Variants in DLG2 observed in about 807,000 individuals in gnomAD.
The protein encoded by DLG2 is disks large homolog 2.
In DLG2, 45 loss-of-function variants were observed where a neutral mutation model predicts 132.5. The observed-to-expected ratio is 0.34, with a 90% CI of 0.27 to 0.44. DLG2 has a LOEUF of 0.44. Ranked by LOEUF, DLG2 falls within the 20% of genes least tolerant of loss-of-function variation. The pLI is 1.00. For synonymous variants in DLG2, 424 were observed against 419.6 expected (o/e 1.01, Z -0.13); for missense variants, 1,045 against 1,196.9 (o/e 0.87, Z 1.87).
intron 9 of DLG2, among the ~76,000 whole-genome samples, chr11:84,114,581 A>C (rs1251349289): frequency 2.0e-5 from 3 of 152,064 alleles, no homozygotes; most frequent in Non-Finnish European, 2.9e-5. Context: ...TAAGGAATCA[A>C]CTCCTAAAGA....
At chr11:84,548,232 C>T (rs1214044430) in intron 6 of DLG2, among the ~76,000 whole-genome samples, 6 of 151,946 alleles carry the variant, frequency 3.9e-5, no homozygotes, top group African/African-American at 1.4e-4. Context: ...AGAGCAGCTA[C>T]GGAAGCATAA....
At chr11:83,644,417 C>T (rs968766523) in intron 18 of DLG2, among the ~76,000 whole-genome samples, 8 of 152,088 alleles carry the variant, frequency 5.3e-5, no homozygotes, top group South Asian at 2.1e-4. Flanking sequence ...GGCAAAGAGA[C>T]GGATTGAGAG....
chr11:83,904,456 A>C (rs1181397311), intron 15 of DLG2, among the ~76,000 whole-genome samples: 1 of 152,192 alleles, frequency 6.6e-6, no homozygotes, highest in African/African-American at 2.4e-5. Context: ...TTATAAATTT[A>C]ACAGCTTAAA....
intron 8 of DLG2, among the ~76,000 whole-genome samples, chr11:84,182,713 T>A (rs1461998484): frequency 1.3e-5 from 2 of 151,918 alleles, no homozygotes; most frequent in Non-Finnish European, 2.9e-5. Context: ...AAGGGCAAAT[T>A]AAATCCAAAG....
chr11:83,638,610 GA>G (rs2065479903), intron 18 of DLG2, among the ~76,000 whole-genome samples: 1 of 152,032 alleles, frequency 6.6e-6, no homozygotes, highest in South Asian at 2.1e-4. Context: ...TCTGCTCCTA[GA>G]GCCCCCTGTT....
intron 6 of DLG2, among the ~76,000 whole-genome samples, chr11:84,905,803 TTTC>T (rs2091438929): frequency 6.6e-6 from 1 of 152,232 alleles, no homozygotes; most frequent in African/African-American, 2.4e-5. Flanking sequence ...TCTCTTTCTT[TTTC>T]TTATTATTAA....
chr11:84,751,168 G>A (rs1157650739), intron 6 of DLG2, among the ~76,000 whole-genome samples: 4 of 152,094 alleles, frequency 2.6e-5, no homozygotes, highest in Non-Finnish European at 2.9e-5. Context: ...AGAATATACA[G>A]ACTTAAAGTT....
At chr11:85,384,468 CTT>C (rs1371466268) in intron 3 of DLG2, among the ~76,000 whole-genome samples, 1 of 152,238 alleles carries the variant, frequency 6.6e-6, no homozygotes, top group Admixed American at 6.5e-5. Context: ...AGTTACTTAA[CTT>C]GAGCATAGGC....
At chr11:83,712,676 T>C (rs2085728531) in intron 18 of DLG2, among the ~76,000 whole-genome samples, 3 of 151,898 alleles carry the variant, frequency 2.0e-5, no homozygotes, top group Admixed American at 6.6e-5. Flanking sequence ...ATGGATGGAG[T>C]TGGATGCCAT....
intron 7 of DLG2, among the ~76,000 whole-genome samples, chr11:84,271,850 G>A (rs998266546): frequency 6.9e-6 from 1 of 144,612 alleles, no homozygotes; most frequent in African/African-American, 2.6e-5. Context: ...ATGCACACAA[G>A]AAATCAAGAA....
At chr11:84,872,272 C>T (rs1368026741) in intron 6 of DLG2, among the ~76,000 whole-genome samples, 1 of 152,110 alleles carries the variant, frequency 6.6e-6, no homozygotes, top group African/African-American at 2.4e-5. Flanking sequence ...TATTGTGCTC[C>T]TCAGTCAATC....
chr11:85,107,238 C>T (rs573186127), intron 6 of DLG2, among the ~76,000 whole-genome samples: 7 of 152,108 alleles, frequency 4.6e-5, no homozygotes, highest in Non-Finnish European at 1.0e-4. Context: ...GCATTAATTT[C>T]CAGTAACTAA....
chr11:84,033,213 T>C (rs2095758052), intron 11 of DLG2, among the ~76,000 whole-genome samples: 1 of 152,152 alleles, frequency 6.6e-6, no homozygotes, highest in African/African-American at 2.4e-5. Context: ...TGCATCTGAG[T>C]AAAGTAAATT....
chr11:85,473,720 A>G (rs1280161176), intron 3 of DLG2, among the ~76,000 whole-genome samples: 1 of 152,090 alleles, frequency 6.6e-6, no homozygotes, highest in African/African-American at 2.4e-5. Context: ...TATTCCCTAG[A>G]GGTAGACTTG....
At chr11:85,025,278 T>C (rs1241630139) in intron 6 of DLG2, among the ~76,000 whole-genome samples, 1 of 152,198 alleles carries the variant, frequency 6.6e-6, no homozygotes, top group Non-Finnish European at 1.5e-5. Context: ...AATTTCCTCA[T>C]ATTGATGCTT....
chr11:83,923,636 C>T (rs1336278598), intron 15 of DLG2, among the ~76,000 whole-genome samples: 1 of 152,066 alleles, frequency 6.6e-6, no homozygotes, highest in Non-Finnish European at 1.5e-5. Flanking sequence ...AGTAAATATC[C>T]CAAGCCAGAA....
At position 85,620,653 on chromosome 11, in the gene DLG2, C is replaced by T. The variant is rs552944203; in HGVS notation, c.-93+5934G>A. Among the ~76,000 whole-genome samples, 6 of 152,296 alleles carry T rather than the reference C, an allele frequency of 3.9e-5. No individual in the cohort carries two copies. In the South Asian group the frequency reaches 1.2e-3, roughly 32 times the overall value. ...TAGTGATCTGAACAGAAGATCAAACCAGCTGTAATTCCCCTCAAACCAAAG... is the reference window on the plus strand; with the variant it reads ...TAGTGATCTGAACAGAAGATCAAACTAGCTGTAATTCCCCTCAAACCAAAG... On this transcript the variant is annotated intron_variant, in intron 2 of 27. Transcript: ENST00000376104.
In DLG2 at chr11:84,848,671, C is replaced by A. The variant is rs2081814797; in HGVS notation, c.357+262990G>T. Among the ~76,000 whole-genome samples the A allele has an allele frequency of 3.3e-5, 5 of 152,150 alleles. No individual in the cohort carries two copies. In the South Asian group the frequency reaches 1.0e-3, roughly 32 times the overall value. On this transcript the variant is annotated intron_variant, in intron 6 of 27. Coordinates refer to ENST00000376104, the MANE Select transcript of DLG2 (RefSeq NM_001142699.3). Reference sequence around the variant, plus strand: ...CATAGTTCTATAGATCCATCTGTACCAATACATAATTTAGCTGATAAGATC... The same window carrying A: ...CATAGTTCTATAGATCCATCTGTACAAATACATAATTTAGCTGATAAGATC...
In DLG2 at chr11:83,541,802, C is replaced by T. The variant is rs1398977280; in HGVS notation, c.1997G>A (p.Ser666Asn). The T allele has an allele frequency of 6.2e-7, 1 of 1,613,290 alleles. No individual in the cohort carries two copies. The highest frequency in any genetic ancestry group is 8.5e-7 in the Non-Finnish European group (1 of 1,179,520). Reference protein sequence around the residue: ...KDSGLPSQGLSFKYGDILHVI... With the variant: ...KDSGLPSQGLNFKYGDILHVI... ...GTGGAGAATATCTCCATATTTAAAACTAAGTCCTTGACTTGGCAGCCCACT... is the reference window on the plus strand; with the variant it reads ...GTGGAGAATATCTCCATATTTAAAATTAAGTCCTTGACTTGGCAGCCCACT... The change falls in exon 20 of 28, where the codon AGT becomes AAT. Residue 666 changes from serine to asparagine, a missense_variant. Transcript: ENST00000376104.
Sources: allele counts gnomAD v4.1 joint callset (sites outside exome capture counted in the v4.1 genomes callset), GRCh38; gene constraint gnomAD v4.1.1; transcripts MANE v1.5; gene names NCBI Gene and HGNC (gene_info 2026-07-23, HGNC 2026-07-21).